The following TRIP12 variants were observed in gnomAD, a reference collection of about 807,000 sequenced individuals.
TRIP12 encodes the protein thyroid hormone receptor interactor 12, also known as E3 ubiquitin-protein ligase TRIP12.
TRIP12 carries 25 observed loss-of-function variants against 244.2 expected under a neutral mutation model. That is an observed-to-expected ratio of 0.10 (90% CI 0.07 to 0.14). The LOEUF (loss-of-function observed/expected upper bound fraction) is 0.14. Ranked by LOEUF, TRIP12 falls within the 10% of genes least tolerant of loss-of-function variation. The pLI, the probability that TRIP12 is intolerant of heterozygous loss-of-function variation, is 1.00. For missense variants in TRIP12, 1,677 were observed against 2,486.4 expected (o/e 0.67, Z 6.92); for synonymous variants, 905 against 873.1 (o/e 1.04, Z -0.64).
intron 2 of TRIP12, among the ~76,000 whole-genome samples, chr2:229,872,441 G>A (rs2062824553): frequency 6.6e-6 from 1 of 152,130 alleles, no homozygotes; most frequent in African/African-American, 2.4e-5. Context: ...ACAGGCACCT[G>A]TAGTCCCAGC....
At position 229,859,560 on chromosome 2, in the gene TRIP12, G is replaced by A; in HGVS notation, c.239C>T (p.Ser80Leu). ...TGGTTGTGGAACTATCACAGCAGAT[G>A]ATGAACTGCAGCTTCTAAGAGGTTA... ...GHLSKRSCSS[S>L]SAVIVPQPED... Residue 80 changes from serine (S) to leucine (L), a missense_variant, in exon 4 of 42, where the codon TCA becomes TTA. Physicochemically the swap from Ser to Leu is moderately radical, Grantham distance 145. Coordinates refer to ENST00000675903, the MANE Select transcript of TRIP12 (RefSeq NM_001348323.3). The A allele has an allele frequency of 2.5e-6, 4 of 1,612,310 alleles. No individual in the cohort carries two copies. Among genetic ancestry groups the A allele is most frequent in the Non-Finnish European group, 3.4e-6 (4 of 1,178,996 alleles).
chr2:229,802,202 A>AG, intron 21 of TRIP12, 50 bp downstream of exon 21: 1 of 1,466,162 alleles, frequency 6.8e-7, no homozygotes, highest in Non-Finnish European at 9.2e-7. Context: ...TAGGTACCAA[A>AG]GCAGCGCTAA....
chr2:229,871,316 G>A (rs964787755), intron 2 of TRIP12, among the ~76,000 whole-genome samples: 1 of 152,180 alleles, frequency 6.6e-6, no homozygotes, highest in African/African-American at 2.4e-5. Flanking sequence ...AAAATTAAAA[G>A]ACATTAGTAA....
In TRIP12 at chr2:229,803,552, T is replaced by C; in HGVS notation, c.2998+19A>G. The C allele has an allele frequency of 6.7e-7, 1 of 1,485,424 alleles. No homozygotes were observed. Among genetic ancestry groups the C allele is most frequent in the Non-Finnish European group, 9.3e-7 (1 of 1,072,446 alleles). The allele number at this position is 1,485,424 out of a possible 1,614,324, so 92.0% of individuals were successfully genotyped here. On this transcript the variant is annotated intron_variant, in intron 20 of 41. Coordinates refer to ENST00000675903, the MANE Select transcript of TRIP12 (RefSeq NM_001348323.3). ...AAGTACTATCTAGACTAAATGACTATTAATTTATATGACATTACCTTCTCT... is the reference window on the plus strand; with the variant it reads ...AAGTACTATCTAGACTAAATGACTACTAATTTATATGACATTACCTTCTCT...
intron 23 of TRIP12, among the ~76,000 whole-genome samples, chr2:229,798,166 G>A (rs770876440): frequency 6.6e-6 from 1 of 152,134 alleles, no homozygotes; most frequent in Non-Finnish European, 1.5e-5. Context: ...CTTAACTTGT[G>A]TTTCCTGGAG....
intron 16 of TRIP12, 85 bp downstream of exon 16, chr2:229,808,167 C>T: frequency 6.0e-6 from 6 of 993,560 alleles, no homozygotes; most frequent in Non-Finnish European, 9.3e-6. Flanking sequence ...GGGTTTTCAT[C>T]ATGTTGGCCA....
intron 1 of TRIP12, among the ~76,000 whole-genome samples, chr2:229,887,343 C>G (rs1266995738): frequency 6.6e-6 from 1 of 152,156 alleles, no homozygotes; most frequent in Non-Finnish European, 1.5e-5. Context: ...CCTTGAAATG[C>G]TAGAGCAGTG....
rs2042881907 is a variant in TRIP12 at position 229,796,598 on chromosome 2, GA to G, written c.3808del (p.Ser1270LeufsTer24). 6.3e-7 allele frequency: 1 copy of G among 1,587,068 alleles called. No individual in the cohort carries two copies. The highest frequency in any genetic ancestry group is 8.5e-7 in the Non-Finnish European group (1 of 1,170,952). ...CATTATTAGATAACTTACTGGAGAAGAAAAAAATACATGAAGAAATCGCTTT... is the reference window on the plus strand; with the variant it reads ...CATTATTAGATAACTTACTGGAGAAGAAAAAATACATGAAGAAATCGCTTT... ...RLKRFLHVFF[S>X]SPLPGEEPIG... On this transcript the variant is annotated frameshift_variant, in exon 25 of 42. Coordinates refer to ENST00000675903, the MANE Select transcript of TRIP12 (RefSeq NM_001348323.3). LOFTEE classifies it high-confidence loss of function.
chr2:229,837,794 TAATA>T (rs917227995), intron 5 of TRIP12, among the ~76,000 whole-genome samples: 1 of 152,184 alleles, frequency 6.6e-6, no homozygotes, highest in Non-Finnish European at 1.5e-5. Context: ...TTAATATTAT[TAATA>T]AATACAGATA....
chr2:229,815,326 A>C lies in TRIP12; in HGVS notation c.1600-18T>G, dbSNP rs1303573450. The C allele has an allele frequency of 7.3e-7, 1 of 1,364,710 alleles. No individual in the cohort carries two copies. The highest frequency in any genetic ancestry group is 2.4e-5 in the East Asian group (1 of 41,696). 84.5% of individuals were successfully genotyped at this position (1,364,710 alleles called of 1,614,324 possible). ...AACGTAATCTGTTAAAAAGATAACA[A>C]AATATTAGAAGCTATATTCCTTGGG... On this transcript the variant is annotated intron_variant, in intron 9 of 41. Transcript: ENST00000675903.
intron 1 of TRIP12, among the ~76,000 whole-genome samples, chr2:229,903,926 TCAGGAGGGCTGAGG>T (rs2071862913): frequency 6.6e-6 from 1 of 150,688 alleles, no homozygotes; most frequent in Admixed American, 6.6e-5. Context: ...TCTGATCTAC[TCAGGAGGGCTGAGG>T]CAGGAGGATA....
intron 1 of TRIP12, among the ~76,000 whole-genome samples, chr2:229,909,949 T>C (rs991349763): frequency 7.2e-5 from 11 of 152,256 alleles, no homozygotes; most frequent in Admixed American, 3.3e-4. Flanking sequence ...ATGCCTTAAA[T>C]GATTGCTTTT....
chr2:229,878,887 A>C (rs58933262), intron 2 of TRIP12, among the ~76,000 whole-genome samples: 5,425 of 151,902 alleles, frequency 0.036, 328 homozygotes, highest in African/African-American at 0.12. Context: ...CGGCCTAAAA[A>C]ATTTTTAAAT....
In TRIP12 at chr2:229,870,027, T is replaced by C. The variant is rs1390627148; in HGVS notation, c.99-9496A>G. Among the ~76,000 whole-genome samples the C allele has an allele frequency of 2.0e-5, 3 of 152,202 alleles. No homozygotes were observed. The East Asian group carries it at 5.8e-4, about 29-fold the overall frequency. On this transcript the variant is annotated intron_variant, in intron 2 of 41. Transcript: ENST00000675903. ...TGATCATGTGACCACACCAGGCTTA[T>C]CACTGTGCTCAGAAAGAGGGAGTAC...
At chr2:229,833,991 A>G (rs146589191) in intron 6 of TRIP12, among the ~76,000 whole-genome samples, 3 of 152,370 alleles carry the variant, frequency 2.0e-5, no homozygotes, top group Non-Finnish European at 2.9e-5. Flanking sequence ...AGTCAGCTAC[A>G]GTTCTTTCGT....
intron 29 of TRIP12, among the ~76,000 whole-genome samples, chr2:229,791,633 G>A (rs2041559981): frequency 6.6e-6 from 1 of 152,186 alleles, no homozygotes; most frequent in Non-Finnish European, 1.5e-5. Flanking sequence ...TAGAAAAGCA[G>A]ATGTAAACCA....
chr2:229,782,102 TAA>T (rs917732165), intron 34 of TRIP12, among the ~76,000 whole-genome samples: 33 of 152,274 alleles, frequency 2.2e-4, no homozygotes, highest in African/African-American at 7.9e-4. Flanking sequence ...AATGTACGTT[TAA>T]AGAGACTAAA....
chr2:229,836,631 T>C (rs1378807949), intron 6 of TRIP12, among the ~76,000 whole-genome samples: 2 of 152,250 alleles, frequency 1.3e-5, no homozygotes, highest in Non-Finnish European at 2.9e-5. Context: ...AGAGTTTGCT[T>C]CTTCCTAAAA....
intron 25 of TRIP12, 35 bp downstream of exon 25, chr2:229,796,556 C>G (rs770166780): frequency 1.3e-6 from 2 of 1,519,710 alleles, no homozygotes; most frequent in Non-Finnish European, 1.8e-6. Context: ...AGCACTGATT[C>G]TTAAAAGATA....
Sources: allele counts gnomAD v4.1 joint callset (sites outside exome capture counted in the v4.1 genomes callset), GRCh38; gene constraint gnomAD v4.1.1; transcripts MANE v1.5; gene names NCBI Gene and HGNC (gene_info 2026-07-23, HGNC 2026-07-21).